The following NBEA variants were observed in gnomAD, a reference collection of about 807,000 sequenced individuals.
NBEA encodes lysosomal-trafficking regulator 2.
NBEA carries 44 observed loss-of-function variants against 343.4 expected under a neutral mutation model. The ratio of observed to expected loss-of-function variants is 0.13; its 90% CI spans 0.10 to 0.16. NBEA has a LOEUF of 0.16. Ranked by LOEUF, NBEA falls within the 10% of genes least tolerant of loss-of-function variation. NBEA has a pLI of 1.00. For missense variants in NBEA, 2,555 were observed against 3,631.3 expected, an observed-to-expected ratio of 0.70 and a Z score of 7.62; for synonymous variants, 1,175 against 1,238.7, an observed-to-expected ratio of 0.95 and a Z score of 1.08.
intron 18 of NBEA, among the ~76,000 whole-genome samples, chr13:35,150,128 A>T (rs1449193413): frequency 6.6e-6 from 1 of 152,230 alleles, no homozygotes; most frequent in African/African-American, 2.4e-5. Context: ...ACCAACTTAC[A>T]GACCTCTGAC....
At position 35,206,787 on chromosome 13, in the gene NBEA, T is replaced by C. The variant is rs1034230997; in HGVS notation, c.5367-1913T>C. Among the ~76,000 whole-genome samples, 58 of 152,112 alleles carry C rather than the reference T, an allele frequency of 3.8e-4. 1 individual carries two copies. Among genetic ancestry groups the C allele is most frequent in the African/African-American group, 1.4e-3 (57 of 41,448 alleles). On this transcript the variant is annotated intron_variant, in intron 31 of 58. Coordinates refer to ENST00000379939, the MANE Select transcript of NBEA (RefSeq NM_001385012.1). ...TCTTACGATTTTACACTCAAAAAAA[T>C]GTAAGATCATACAGTTTGAGAGTGG...
In NBEA at chr13:35,044,829, TAGAG is replaced by T. The variant is rs372735958; in HGVS notation, c.527-98_527-95del. On this transcript the variant is annotated intron_variant, in intron 2 of 58. Coordinates refer to ENST00000379939, the MANE Select transcript of NBEA (RefSeq NM_001385012.1). ...TGTATTAGATACATATATATATATA[TAGAG>T]AGAGAGAGAGAGAGAGAGATAACAA... 2.6e-3 allele frequency: 976 copies of T among 380,774 alleles called. 4 individuals are homozygous for T. Among genetic ancestry groups the T allele is most frequent in the South Asian group, 6.9e-3 (172 of 24,936 alleles). 23.6% of individuals were successfully genotyped at this position (380,774 alleles called of 1,614,324 possible).
At chr13:34,950,509 G>A (rs2152483043) in intron 1 of NBEA, among the ~76,000 whole-genome samples, 1 of 150,952 alleles carries the variant, frequency 6.6e-6, no homozygotes, top group East Asian at 1.9e-4. Flanking sequence ...AAATACTAAT[G>A]TTTAAATTAA....
intron 40 of NBEA, among the ~76,000 whole-genome samples, chr13:35,467,824 T>C (rs1436315962): frequency 1.3e-5 from 2 of 152,172 alleles, no homozygotes; most frequent in African/African-American, 4.8e-5. Context: ...ATATAGCTAA[T>C]ACAACTTTTA....
intron 55 of NBEA, among the ~76,000 whole-genome samples, chr13:35,661,069 C>A (rs1301508907): frequency 1.3e-5 from 2 of 152,166 alleles, no homozygotes; most frequent in African/African-American, 4.8e-5. Context: ...GAGAAGGGAG[C>A]TGCTTGCTAC....
chr13:35,527,591 G>A (rs946183071), intron 41 of NBEA, among the ~76,000 whole-genome samples: 8 of 152,176 alleles, frequency 5.3e-5, no homozygotes, highest in African/African-American at 1.7e-4. Flanking sequence ...GCCACCCCAA[G>A]TACACACACA....
chr13:35,353,565 A>G (rs950700519), intron 38 of NBEA, among the ~76,000 whole-genome samples: 16 of 152,220 alleles, frequency 1.1e-4, no homozygotes, highest in African/African-American at 3.6e-4. Flanking sequence ...AGGTAAAATT[A>G]TAACATGTGT....
At chr13:35,413,154 C>T (rs1244743770) in intron 38 of NBEA, among the ~76,000 whole-genome samples, 1 of 152,046 alleles carries the variant, frequency 6.6e-6, no homozygotes, top group Non-Finnish European at 1.5e-5. Flanking sequence ...TGGAGGAGGT[C>T]ACATCAACAT....
chr13:35,083,997 A>T (rs1054501096), intron 10 of NBEA, among the ~76,000 whole-genome samples: 1 of 152,176 alleles, frequency 6.6e-6, no homozygotes, highest in African/African-American at 2.4e-5. Context: ...ACATAATGGT[A>T]AAGGGATCAA....
At chr13:35,613,915 T>A (rs184196898) in intron 48 of NBEA, among the ~76,000 whole-genome samples, 27 of 152,364 alleles carry the variant, frequency 1.8e-4, no homozygotes, top group Admixed American at 9.8e-4. Context: ...TTTAGTTTTT[T>A]GAGGAATCTC....
chr13:35,553,874 T>G (rs2079460530), intron 43 of NBEA, among the ~76,000 whole-genome samples: 1 of 152,174 alleles, frequency 6.6e-6, no homozygotes, highest in South Asian at 2.1e-4. Flanking sequence ...GTTCCAAGTT[T>G]CAACTTAGAA....
intron 35 of NBEA, among the ~76,000 whole-genome samples, chr13:35,304,145 C>T (rs1317301726): frequency 6.6e-6 from 1 of 152,142 alleles, no homozygotes; most frequent in African/African-American, 2.4e-5. Flanking sequence ...GTTTAATATT[C>T]TCTTCGACAA....
At chr13:34,949,998 G>A (rs946366365) in intron 1 of NBEA, among the ~76,000 whole-genome samples, 2 of 152,148 alleles carry the variant, frequency 1.3e-5, no homozygotes, top group Non-Finnish European at 2.9e-5. Flanking sequence ...TAATGTTATA[G>A]ATTTCTGACG....
At chr13:35,666,037 G>T (rs1341074696) in intron 56 of NBEA, among the ~76,000 whole-genome samples, 1 of 152,144 alleles carries the variant, frequency 6.6e-6, no homozygotes, top group African/African-American at 2.4e-5. Flanking sequence ...GCAGAAAGGA[G>T]CCTGATGCTT....
intron 34 of NBEA, among the ~76,000 whole-genome samples, chr13:35,248,470 G>C (rs371274952): frequency 6.6e-6 from 1 of 152,044 alleles, no homozygotes; most frequent in Non-Finnish European, 1.5e-5. Context: ...AACAAAGCTG[G>C]GGGACTCACA....
At position 34,942,906 on chromosome 13, in the gene NBEA, G is replaced by T; in HGVS notation, c.86G>T (p.Gly29Val). 1 of 1,483,834 alleles carries T rather than the reference G, an allele frequency of 6.7e-7. No individual in the cohort carries two copies. The allele number at this position is 1,483,834 out of a possible 1,614,324, so 91.9% of individuals were successfully genotyped here. Reference sequence around the variant, plus strand: ...GCCGTCGGGGCCGCTGGCGGAGGCGGCGGGGGCAGCGGTGGTGGCGGCACC... The same window carrying T: ...GCCGTCGGGGCCGCTGGCGGAGGCGTCGGGGGCAGCGGTGGTGGCGGCACC... ...LIAVGAAGGG[G>V]GGSGGGGTGG... The change falls in exon 1 of 59, where the codon GGC (glycine) becomes GTC (valine). Residue 29 changes from glycine (G) to valine (V), a missense_variant. Transcript: ENST00000379939.
intron 34 of NBEA, chr13:35,251,283 T>G (rs973013342): frequency 1.0e-5 from 6 of 578,596 alleles, no homozygotes; most frequent in Non-Finnish European, 1.4e-5. Context: ...GGTAGCAGAT[T>G]CATAGTATGC....
At chr13:35,386,786 G>A (rs530311354) in intron 38 of NBEA, among the ~76,000 whole-genome samples, 135 of 152,086 alleles carry the variant, frequency 8.9e-4, no homozygotes, top group African/African-American at 3.1e-3. Flanking sequence ...GTTTTTTATG[G>A]TTGTTGATAA....
At chr13:35,112,874 T>G (rs1372806561) in intron 13 of NBEA, among the ~76,000 whole-genome samples, 1 of 152,142 alleles carries the variant, frequency 6.6e-6, no homozygotes, top group Non-Finnish European at 1.5e-5. Context: ...TCCTGAAAGG[T>G]AAAGGCACTT....
Sources: allele counts gnomAD v4.1 joint callset (sites outside exome capture counted in the v4.1 genomes callset), GRCh38; gene constraint gnomAD v4.1.1; transcripts MANE v1.5; gene names NCBI Gene and HGNC (gene_info 2026-07-23, HGNC 2026-07-21).